Variants in RGS12 observed in about 807,000 individuals in gnomAD.
RGS12 encodes the protein regulator of G-protein signaling 12.
In RGS12, 66 loss-of-function variants were observed where a neutral mutation model predicts 120.1. That is an observed-to-expected ratio of 0.55 (90% CI 0.45 to 0.67). The LOEUF is 0.67. RGS12 is among the 30% of genes least tolerant of loss of function. RGS12 has a pLI of 0.00. For missense variants in RGS12, 1,859 were observed against 1,957.7 expected, an observed-to-expected ratio of 0.95 and a Z score of 0.95; for synonymous variants, 827 against 804.7, an observed-to-expected ratio of 1.03 and a Z score of -0.47.
intron 2 of RGS12, among the ~76,000 whole-genome samples, chr4:3,334,664 TTTTA>T (rs1451147064): frequency 6.6e-6 from 1 of 152,196 alleles, no homozygotes; most frequent in Non-Finnish European, 1.5e-5. Context: ...TTCAATAACT[TTTTA>T]TTTAAAAATT....
intron 2 of RGS12, among the ~76,000 whole-genome samples, chr4:3,327,103 A>G (rs1273831712): frequency 2.0e-5 from 3 of 152,256 alleles, no homozygotes; most frequent in Non-Finnish European, 4.4e-5. Flanking sequence ...ACTGGTATAA[A>G]ACTAGACAAC....
intron 4 of RGS12, among the ~76,000 whole-genome samples, chr4:3,399,952 G>A (rs1025516936): frequency 6.6e-5 from 10 of 152,352 alleles, no homozygotes; most frequent in East Asian, 1.9e-4. Context: ...GGGAAAAGAC[G>A]GCAGGGCAGA....
intron 2 of RGS12, among the ~76,000 whole-genome samples, chr4:3,327,881 C>T (rs1399197446): frequency 1.3e-5 from 2 of 152,218 alleles, no homozygotes; most frequent in Non-Finnish European, 2.9e-5. Flanking sequence ...AATCCTACTA[C>T]TGGGTATCTG....
At chr4:3,296,060 C>A (rs576895698) in intron 1 of RGS12, among the ~76,000 whole-genome samples, 9 of 149,032 alleles carry the variant, frequency 6.0e-5, no homozygotes, top group African/African-American at 1.8e-4. Context: ...CGTTCACCCC[C>A]CTGGTCAGCT....
chr4:3,432,285 G>T, intron 17 of RGS12: 1 of 626,712 alleles, frequency 1.6e-6, no homozygotes, highest in South Asian at 7.0e-5. Flanking sequence ...AGATTAAGTG[G>T]ATTTACCGTA....
intron 3 of RGS12, among the ~76,000 whole-genome samples, chr4:3,383,501 G>A (rs1305975646): frequency 2.0e-5 from 3 of 152,028 alleles, no homozygotes; most frequent in African/African-American, 7.3e-5. Context: ...AGCTACTTAG[G>A]AGGCTGACAT....
At chr4:3,400,216 C>T (rs1252402888) in intron 4 of RGS12, among the ~76,000 whole-genome samples, 1 of 152,184 alleles carries the variant, frequency 6.6e-6, no homozygotes, top group Admixed American at 6.5e-5. Context: ...TGGCCAGTTT[C>T]ACTTATGAGT....
chr4:3,306,635 A>C (rs1033879212), intron 1 of RGS12, among the ~76,000 whole-genome samples: 10 of 152,190 alleles, frequency 6.6e-5, no homozygotes, highest in Non-Finnish European at 1.2e-4. Flanking sequence ...CTGCTCCGGC[A>C]CCGAAGCCTC....
chr4:3,432,307 T>C (rs1433680396), intron 17 of RGS12: 1 of 468,370 alleles, frequency 2.1e-6, no homozygotes, highest in Non-Finnish European at 2.8e-6. Context: ...TCTACTGGCT[T>C]TTAAAAATAT....
intron 2 of RGS12, among the ~76,000 whole-genome samples, chr4:3,337,487 C>T (rs576316426): frequency 1.3e-5 from 2 of 152,194 alleles, no homozygotes; most frequent in Non-Finnish European, 2.9e-5. Context: ...CATCAGGTGA[C>T]GGATAAACAC....
chr4:3,421,641 G>C (rs1723029680), intron 10 of RGS12, among the ~76,000 whole-genome samples: 1 of 152,204 alleles, frequency 6.6e-6, no homozygotes, highest in Non-Finnish European at 1.5e-5. Flanking sequence ...CCCTTCGTTC[G>C]CCTCACTCAG....
intron 4 of RGS12, among the ~76,000 whole-genome samples, chr4:3,406,280 T>A (rs1721113020): frequency 6.6e-6 from 1 of 152,238 alleles, no homozygotes; most frequent in Non-Finnish European, 1.5e-5. Flanking sequence ...GGGCTTCCTG[T>A]GCCTCAGAAA....
chr4:3,420,622 A>T lies in RGS12; in HGVS notation c.2762-20A>T, dbSNP rs771497356. On this transcript the variant is annotated intron_variant, in intron 9 of 17. Coordinates refer to ENST00000336727, the MANE Select transcript of RGS12 (RefSeq NM_001394154.1). ...AACAGGGTTCTGATTGACGTGAGTC[A>T]CTGTGTTTCCCCTGTCAAGACGCCC... 3.1e-6 allele frequency: 5 copies of T among 1,612,512 alleles called. No individual in the cohort carries two copies. In the South Asian group the frequency reaches 5.5e-5, roughly 18 times the overall value.
upstream of RGS12, among the ~76,000 whole-genome samples, chr4:3,288,653 C>T (rs1463356407): frequency 6.6e-6 from 1 of 152,196 alleles, no homozygotes; most frequent in Non-Finnish European, 1.5e-5. This position sits in a 1 kb window ranked among gnomAD's most constrained non-coding sequence, Gnocchi z 5.2. Flanking sequence ...ACGTATGGAC[C>T]CTGGCATGTT....
intron 1 of RGS12, among the ~76,000 whole-genome samples, chr4:3,307,331 G>T (rs1302434979): frequency 1.3e-5 from 2 of 152,216 alleles, no homozygotes; most frequent in Non-Finnish European, 2.9e-5. Context: ...GTGTGCACAC[G>T]GCATGAGGTC....
At chr4:3,315,708 GC>G (rs758187263) in intron 1 of RGS12, among the ~76,000 whole-genome samples, 4 of 152,196 alleles carry the variant, frequency 2.6e-5, no homozygotes, top group Non-Finnish European at 5.9e-5. Flanking sequence ...TCTGTGTGGA[GC>G]CCGAGAGTCT....
intron 2 of RGS12, among the ~76,000 whole-genome samples, chr4:3,341,887 G>A (rs1026227557): frequency 6.7e-6 from 1 of 149,546 alleles, no homozygotes; most frequent in African/African-American, 2.5e-5. Context: ...GTGGTGTGGG[G>A]CTGGGCCGTG....
chr4:3,370,300 C>A, intron 3 of RGS12: 1 of 1,614,068 alleles, frequency 6.2e-7, no homozygotes, highest in Non-Finnish European at 8.5e-7. Context: ...CAAACGAAAC[C>A]CATGTTTCTA....
chr4:3,310,831 G>T (rs1460393486), intron 1 of RGS12, among the ~76,000 whole-genome samples: 1 of 152,166 alleles, frequency 6.6e-6, no homozygotes, highest in Admixed American at 6.5e-5. Context: ...AGGTGGCGTG[G>T]TGTCTTGCTG....
Sources: allele counts gnomAD v4.1 joint callset (sites outside exome capture counted in the v4.1 genomes callset), GRCh38; gene constraint gnomAD v4.1.1; non-coding constraint Gnocchi (gnomAD v3.1); transcripts MANE v1.5; gene names NCBI Gene and HGNC (gene_info 2026-07-23, HGNC 2026-07-21).